IER3IP1: variants seen among roughly 807,000 people sequenced by gnomAD.
IER3IP1 encodes immediate early response 3-interacting protein 1.
In IER3IP1, 16 loss-of-function variants were observed where a neutral mutation model predicts 12.2. The ratio of observed to expected loss-of-function variants is 1.31; its 90% confidence interval spans 0.89 to 1.99. IER3IP1 has a LOEUF of 1.99. Among genes scored for constraint, IER3IP1 ranks in the 30% most tolerant of loss-of-function variants. IER3IP1 has a pLI of 0.00. For synonymous variants in IER3IP1, 42 were observed against 40.0 expected, an observed-to-expected ratio of 1.05 and a Z score of -0.19; for missense variants, 95 against 95.8, an observed-to-expected ratio of 0.99 and a Z score of 0.03.
chr18:47,163,200 C>G (rs1039298200), intron 1 of IER3IP1, among the ~76,000 whole-genome samples: 1 of 152,072 alleles, frequency 6.6e-6, no homozygotes, highest in Non-Finnish European at 1.5e-5. Context: ...GTAATTATAA[C>G]AATATGCCAA....
intron 1 of IER3IP1, among the ~76,000 whole-genome samples, chr18:47,161,265 T>C (rs535979693): frequency 1.3e-5 from 2 of 152,350 alleles, no homozygotes; most frequent in South Asian, 4.1e-4. Flanking sequence ...TATGCTGTGG[T>C]ATAAAACTAA....
Position 47,167,021 on chromosome 18 carries a change from A to AT in IER3IP1, c.91+9165dup, listed in dbSNP as rs1247722787. Among the ~76,000 whole-genome samples, 4 of 152,036 alleles carry AT rather than the reference A, an allele frequency of 2.6e-5. No homozygotes were observed. The East Asian group carries it at 7.7e-4, about 29-fold the overall frequency. Reference sequence around the variant, plus strand: ...CAAAGTTCCAGACGGCAAAGTATTAATATTTCTGGGCCATTCTAATAGTTT... The same window carrying AT: ...CAAAGTTCCAGACGGCAAAGTATTAATTATTTCTGGGCCATTCTAATAGTTT... On this transcript the variant is annotated intron_variant, in intron 1 of 2. Transcript: ENST00000256433.
rs777482527 is a variant in IER3IP1, at chr18:47,176,246, G to C, written c.32C>G (p.Ala11Gly). MAFTLYSLLQAALLCVNAIAV... is the reference protein window; with the variant it reads MAFTLYSLLQGALLCVNAIAV... ...GATGGCGTTGACGCAGAGCAGGGCT[G>C]CCTGCAGCAGTGAGTACAGGGTAAA... The change falls in exon 1 of 3, where the codon GCA becomes GGA. Residue 11 changes from alanine to glycine, a missense_variant. Coordinates refer to ENST00000256433, the MANE Select transcript of IER3IP1 (RefSeq NM_016097.5). 2 of 1,609,294 alleles carry C rather than the reference G, an allele frequency of 1.2e-6. No individual in the cohort carries two copies. Among genetic ancestry groups the C allele is most frequent in the Non-Finnish European group, 8.5e-7 (1 of 1,178,082 alleles).
intron 1 of IER3IP1, among the ~76,000 whole-genome samples, chr18:47,174,957 A>T (rs2064027265): frequency 6.6e-6 from 1 of 152,200 alleles, no homozygotes; most frequent in Non-Finnish European, 1.5e-5. Flanking sequence ...TACACAAGTT[A>T]GTATCTGCCC....
At chr18:47,168,206 G>A (rs1428119329) in intron 1 of IER3IP1, among the ~76,000 whole-genome samples, 5 of 144,998 alleles carry the variant, frequency 3.4e-5, no homozygotes, top group Non-Finnish European at 7.5e-5. Context: ...TCGGCAGGCT[G>A]AGGCAGAATT....
rs2063965456 is a variant in IER3IP1, at chr18:47,157,540, G to A, written c.92-3C>T. 1 of 1,612,754 alleles carries A rather than the reference G, an allele frequency of 6.2e-7. No individual in the cohort carries two copies. Among genetic ancestry groups the A allele is most frequent in the South Asian group, 1.1e-5 (1 of 91,064 alleles). On this transcript the variant is annotated splice_polypyrimidine_tract_variant and splice_region_variant and intron_variant, in intron 1 of 2. Coordinates refer to ENST00000256433, the MANE Select transcript of IER3IP1 (RefSeq NM_016097.5). ...TCCCTGGTCTGTTCCCCAGCCAACT[G>A]TATAATGTAAAGATTAGCTGTGTTA...
At chr18:47,168,152 A>T (rs1405284684) in intron 1 of IER3IP1, among the ~76,000 whole-genome samples, 2,063 of 135,186 alleles carry the variant, frequency 0.015, 65 homozygotes, top group African/African-American at 0.059. Flanking sequence ...AAAAAAAAAA[A>T]AAATTTTAGC....
chr18:47,168,166 G>A (rs2064002804), intron 1 of IER3IP1, among the ~76,000 whole-genome samples: 1 of 142,072 alleles, frequency 7.0e-6, no homozygotes, highest in Non-Finnish European at 1.5e-5. Context: ...TTTTAGCTAG[G>A]TGGTGGTGGG....
chr18:47,153,261 T>C lies in IER3IP1; in HGVS notation c.*2916A>G, dbSNP rs1048675069. ...TAGCTTTAGGGGTACAAGTGGTTTC[T>C]GGTTACATGGATGAATTGTATAGTG... On this transcript the variant is annotated 3_prime_UTR_variant, in exon 3 of 3. Transcript: ENST00000256433. 16 of 152,268 alleles carry C rather than the reference T, an allele frequency of 1.1e-4. No individual in the cohort carries two copies. The highest frequency in any genetic ancestry group is 3.9e-4 in the African/African-American group (16 of 41,442). 9.4% of individuals were successfully genotyped at this position (152,268 alleles called of 1,614,324 possible). A position where few individuals can be genotyped will look rare whatever the true frequency, so the allele number is the denominator to read the frequency against.
At chr18:47,167,124 C>G (rs1263565314) in intron 1 of IER3IP1, among the ~76,000 whole-genome samples, 1 of 151,900 alleles carries the variant, frequency 6.6e-6, no homozygotes, top group Non-Finnish European at 1.5e-5. Context: ...AGTGTCAGCT[C>G]ACTGCAACCT....
chr18:47,166,645 A>T (rs1001431442), intron 1 of IER3IP1, among the ~76,000 whole-genome samples: 4 of 152,188 alleles, frequency 2.6e-5, no homozygotes, highest in African/African-American at 7.2e-5. Context: ...AGAATTTCAA[A>T]CCACTGAAGA....
rs2064033242 is a variant in IER3IP1 at position 47,176,233 on chromosome 18, G to A, written c.45C>T (p.Cys15=). The change falls in exon 1 of 3, where the codon TGC becomes TGT. Residue 15 remains cysteine (C), a synonymous_variant. Transcript: ENST00000256433. ...CGTGCAGCACTGCGATGGCGTTGAC[G>A]CAGAGCAGGGCTGCCTGCAGCAGTG... The part of the protein sequence containing the change: ...LYSLLQAALL[C]VNAIAVLHEE... 1.2e-6 allele frequency: 2 copies of A among 1,608,752 alleles called. No individual in the cohort carries two copies. Among genetic ancestry groups the A allele is most frequent in the East Asian group, 2.2e-5 (1 of 44,746 alleles).
chr18:47,166,168 T>C (rs925725390), intron 1 of IER3IP1, among the ~76,000 whole-genome samples: 2 of 152,218 alleles, frequency 1.3e-5, no homozygotes, highest in Non-Finnish European at 2.9e-5. Context: ...AACCACATAT[T>C]CCCTGTATCA....
At chr18:47,173,413 C>G (rs1267126331) in intron 1 of IER3IP1, among the ~76,000 whole-genome samples, 1 of 152,124 alleles carries the variant, frequency 6.6e-6, no homozygotes, top group Non-Finnish European at 1.5e-5. Flanking sequence ...GTGGCGTGAT[C>G]TCAGCTCAAT....
At chr18:47,157,877 A>G (rs759627387) in intron 1 of IER3IP1, among the ~76,000 whole-genome samples, 28 of 152,138 alleles carry the variant, frequency 1.8e-4, no homozygotes, top group Non-Finnish European at 3.8e-4. Flanking sequence ...ACAACTAAAA[A>G]CCAAAGCATA....
chr18:47,160,932 T>C (rs2635049), intron 1 of IER3IP1, among the ~76,000 whole-genome samples: 63,977 of 152,040 alleles, frequency 0.42, 13,866 homozygotes, highest in Middle Eastern at 0.56. Flanking sequence ...GTTATTCTCC[T>C]ATGATACTAC....
intron 2 of IER3IP1, 146 bp from the exon 3 acceptor site, chr18:47,156,378 T>G: frequency 3.2e-6 from 2 of 618,966 alleles, no homozygotes; most frequent in Non-Finnish European, 5.7e-6. Context: ...AAAGAAACAT[T>G]CTAAAATACA....
Position 47,163,422 on chromosome 18 carries a change from C to G in IER3IP1, c.92-5885G>C, listed in dbSNP as rs116837542. 3.2e-3 allele frequency among the ~76,000 whole-genome samples: 488 copies of G among 152,326 alleles called. 2 individuals carry two copies. Among genetic ancestry groups the G allele is most frequent in the African/African-American group, 0.011 (449 of 41,570 alleles). On this transcript the variant is annotated intron_variant, in intron 1 of 2. Transcript: ENST00000256433. Reference sequence around the variant, plus strand: ...GGAATAGGACGGTGCAAGACTTCATCATGCTACTCATAACAGCCCACAATT... The same window carrying G: ...GGAATAGGACGGTGCAAGACTTCATGATGCTACTCATAACAGCCCACAATT...
At chr18:47,168,933 A>G (rs1486921099) in intron 1 of IER3IP1, among the ~76,000 whole-genome samples, 2 of 152,238 alleles carry the variant, frequency 1.3e-5, no homozygotes, top group African/African-American at 2.4e-5. Flanking sequence ...AAGACCCTCC[A>G]GCTTTCTGGA....
Sources: allele counts gnomAD v4.1 joint callset (sites outside exome capture counted in the v4.1 genomes callset), GRCh38; gene constraint gnomAD v4.1.1; transcripts MANE v1.5; gene names NCBI Gene and HGNC (gene_info 2026-07-23, HGNC 2026-07-21).